Variants in RAPGEF4 observed in about 807,000 individuals in gnomAD.
The protein encoded by RAPGEF4 is Rap guanine nucleotide exchange factor 4, also known as RAP guanine-nucleotide-exchange factor (GEF) 4.
RAPGEF4 carries 66 observed loss-of-function variants against 147.9 expected under a neutral mutation model. That is an observed-to-expected ratio of 0.45 (90% CI 0.37 to 0.55). The LOEUF is 0.55. Among genes scored for constraint, RAPGEF4 ranks in the 20% least tolerant of loss-of-function variants. The pLI is 0.00. For missense variants in RAPGEF4, 1,071 were observed against 1,257.3 expected (o/e 0.85, Z 2.24); for synonymous variants, 419 against 442.7 (o/e 0.95, Z 0.67).
chr2:173,026,984 T>C, intron 24 of RAPGEF4, 97 bp from the exon 25 acceptor site: 1 of 1,128,030 alleles, frequency 8.9e-7, no homozygotes, highest in African/African-American at 1.6e-5. Context: ...GACTTCACAT[T>C]TGCTGACCAG....
chr2:172,740,921 C>T (rs1694240870), intron 1 of RAPGEF4, among the ~76,000 whole-genome samples: 1 of 152,232 alleles, frequency 6.6e-6, no homozygotes, highest in Admixed American at 6.5e-5. Flanking sequence ...GAGAAGTGGA[C>T]ACTCACGTCC....
At chr2:172,779,682 A>G (rs1684505967) in intron 1 of RAPGEF4, among the ~76,000 whole-genome samples, 1 of 152,170 alleles carries the variant, frequency 6.6e-6, no homozygotes, top group Non-Finnish European at 1.5e-5. Flanking sequence ...TATTAAAAGT[A>G]TCACTCTGGA....
At chr2:172,970,422 A>C (rs1330011231) in intron 10 of RAPGEF4, among the ~76,000 whole-genome samples, 2 of 152,212 alleles carry the variant, frequency 1.3e-5, no homozygotes, top group African/African-American at 4.8e-5. Flanking sequence ...TTGGCTTCAT[A>C]CTGACCAGGG....
At chr2:172,967,693 G>C (rs1461310581) in intron 10 of RAPGEF4, among the ~76,000 whole-genome samples, 4 of 152,220 alleles carry the variant, frequency 2.6e-5, no homozygotes, top group Non-Finnish European at 4.4e-5. Flanking sequence ...GGCTCCGGCT[G>C]TCAAAACTGA....
chr2:172,904,196 G>C (rs995741573), intron 4 of RAPGEF4, among the ~76,000 whole-genome samples: 1 of 152,138 alleles, frequency 6.6e-6, no homozygotes, highest in African/African-American at 2.4e-5. Flanking sequence ...CTTCATGTGA[G>C]TTTTAATTCA....
At chr2:172,819,790 A>G (rs1688894885) in intron 4 of RAPGEF4, among the ~76,000 whole-genome samples, 1 of 152,164 alleles carries the variant, frequency 6.6e-6, no homozygotes, top group Non-Finnish European at 1.5e-5. Flanking sequence ...AGACAATTAT[A>G]ATTTACAATT....
intron 29 of RAPGEF4, among the ~76,000 whole-genome samples, chr2:173,039,861 G>A (rs1447326323): frequency 1.3e-5 from 2 of 152,156 alleles, no homozygotes; most frequent in Admixed American, 6.5e-5. Context: ...TTTATCTCAT[G>A]TGAGAAATTC....
At chr2:172,974,969 A>G (rs1019076141) in intron 10 of RAPGEF4, among the ~76,000 whole-genome samples, 1 of 152,192 alleles carries the variant, frequency 6.6e-6, no homozygotes, top group Non-Finnish European at 1.5e-5. Flanking sequence ...CTAAAGTTTT[A>G]CAATCCATTG....
chr2:172,974,968 T>G (rs1690912583), intron 10 of RAPGEF4, among the ~76,000 whole-genome samples: 1 of 152,218 alleles, frequency 6.6e-6, no homozygotes, highest in Non-Finnish European at 1.5e-5. Context: ...TCTAAAGTTT[T>G]ACAATCCATT....
chr2:172,756,358 C>T lies in RAPGEF4; in HGVS notation c.65+20310C>T, dbSNP rs142682447. On this transcript the variant is annotated intron_variant, in intron 1 of 30. Transcript: ENST00000397081. ...TGCACTGCCTAGCCTTTGCGCATCG[C>T]TTTGGATACCTCAAATGCCCTGGGG... 2.6e-4 allele frequency among the ~76,000 whole-genome samples: 39 copies of T among 152,328 alleles called. No individual in the cohort carries two copies. In the East Asian group the frequency reaches 6.0e-3, roughly 23 times the overall value.
intron 8 of RAPGEF4, among the ~76,000 whole-genome samples, chr2:172,962,386 T>C (rs529342277): frequency 3.3e-5 from 5 of 152,238 alleles, no homozygotes; most frequent in South Asian, 4.1e-4. Context: ...CCATGAAGGA[T>C]GCATGTCTTC....
chr2:172,805,255 G>A (rs963822273), intron 3 of RAPGEF4, among the ~76,000 whole-genome samples: 2 of 152,112 alleles, frequency 1.3e-5, no homozygotes, highest in African/African-American at 2.4e-5. Context: ...TCTGCCTCTC[G>A]GAGACCCTCC....
At chr2:172,973,753 A>G (rs1690769297) in intron 10 of RAPGEF4, among the ~76,000 whole-genome samples, 2 of 152,350 alleles carry the variant, frequency 1.3e-5, no homozygotes, top group Admixed American at 6.5e-5. Flanking sequence ...TCTCCAGAGA[A>G]TAGACTGGAG....
intron 4 of RAPGEF4, among the ~76,000 whole-genome samples, chr2:172,877,088 A>T (rs1395885015): frequency 6.6e-6 from 1 of 152,164 alleles, no homozygotes; most frequent in Non-Finnish European, 1.5e-5. Context: ...AGCACTATTC[A>T]CAACAGCAAA....
At chr2:172,817,742 T>C (rs1688644062) in intron 4 of RAPGEF4, among the ~76,000 whole-genome samples, 2 of 151,978 alleles carry the variant, frequency 1.3e-5, no homozygotes, top group Admixed American at 6.6e-5. Context: ...TCTGGGTATC[T>C]ACCCAGATGA....
chr2:172,749,963 C>A (rs1259456102), intron 1 of RAPGEF4, among the ~76,000 whole-genome samples: 3 of 152,164 alleles, frequency 2.0e-5, no homozygotes, highest in African/African-American at 7.2e-5. Flanking sequence ...GCAAGAGTCA[C>A]CTTTTCTCCA....
At position 172,897,991 on chromosome 2, in the gene RAPGEF4, T is replaced by C. The variant is rs938398969; in HGVS notation, c.445-19811T>C. On this transcript the variant is annotated intron_variant, in intron 4 of 30. Transcript: ENST00000397081. ...GACTGGGCTGGCGGAGGAGAGACTG[T>C]GTAATTTCACAACATCACTGGGGTG... 4.0e-4 allele frequency among the ~76,000 whole-genome samples: 61 copies of C among 151,964 alleles called. 1 individual carries two copies. Among genetic ancestry groups the C allele is most frequent in the Non-Finnish European group, 1.0e-4 (7 of 68,002 alleles).
chr2:172,735,890 G>C lies in RAPGEF4; in HGVS notation c.-94G>C, dbSNP rs1179180571. 1 of 1,095,274 alleles carries C rather than the reference G, an allele frequency of 9.1e-7. No homozygotes were observed. The highest frequency in any genetic ancestry group is 1.7e-5 in the African/African-American group (1 of 59,742). 67.8% of individuals were successfully genotyped at this position (1,095,274 alleles called of 1,614,324 possible). A position where few individuals can be genotyped will look rare whatever the true frequency, so the allele number is the denominator to read the frequency against. ...GGTCGCCAGGCGTCCGGGAGGAGCG[G>C]GGTCCGCGCGGCGGACGAGGCGGGG... On this transcript the variant is annotated 5_prime_UTR_variant, in exon 1 of 31. Transcript: ENST00000397081.
At chr2:172,783,074 C>T (rs773272433) in intron 1 of RAPGEF4, among the ~76,000 whole-genome samples, 1 of 152,140 alleles carries the variant, frequency 6.6e-6, no homozygotes, top group Non-Finnish European at 1.5e-5. Context: ...AAAAATTTTC[C>T]TCTCTCTCTT....
Sources: gnomAD v4.1 joint callset for allele counts (sites outside exome capture counted in the v4.1 genomes callset) on GRCh38, gnomAD v4.1.1 for gene constraint, MANE v1.5 for transcripts, NCBI Gene and HGNC (gene_info 2026-07-23, HGNC 2026-07-21) for gene names.